KLF17: variants seen among roughly 807,000 people sequenced by gnomAD.
KLF17 encodes Krueppel-like factor 17.
KLF17 carries 31 observed loss-of-function variants against 34.2 expected under a neutral mutation model. The observed-to-expected ratio is 0.91, with a 90% confidence interval of 0.68 to 1.22. The LOEUF (loss-of-function observed/expected upper bound fraction) is 1.22. Ranked by LOEUF, KLF17 falls within the 50% of genes most tolerant of loss-of-function variation. The pLI is 0.00. For synonymous variants in KLF17, 179 were observed against 186.7 expected (o/e 0.96, Z 0.34); for missense variants, 478 against 505.2 (o/e 0.95, Z 0.52).
the KLF17 span, chr1:44,052,227 G>A: frequency 1.3e-5 from 2 of 152,188 alleles, no homozygotes; most frequent in South Asian, 2.1e-4. Flanking sequence ...GGGAATCTTG[G>A]TCTTGCCTTT....
intron 3 of KLF17, among the ~76,000 whole-genome samples, chr1:44,132,567 A>G (rs955857479): frequency 6.6e-6 from 1 of 151,980 alleles, no homozygotes; most frequent in Non-Finnish European, 1.5e-5. Flanking sequence ...CCTTTCTTCC[A>G]TTTTCTCACT....
At chr1:44,103,065 G>C in the KLF17 span, among the ~76,000 whole-genome samples, 1 of 152,178 alleles carries the variant, frequency 6.6e-6, no homozygotes, top group African/African-American at 2.4e-5. Flanking sequence ...TTTGTTTTCA[G>C]AGCTAGCTGA....
Position 44,130,173 on chromosome 1 carries a change from T to C in KLF17, c.902T>C (p.Val301Ala). The change falls in exon 2 of 4, where the codon GTG (valine) becomes GCG (alanine). Residue 301 changes from valine (V) to alanine (A), a missense_variant. Val to Ala is a moderately conservative substitution (Grantham distance 64). Transcript: ENST00000372299. Reference sequence around the variant, plus strand: ...GCTTATACCAAACGCTCCCACCTCGTGAGCCACCAGCGCAAGCACACAGGT... The same window carrying C: ...GCTTATACCAAACGCTCCCACCTCGCGAGCCACCAGCGCAAGCACACAGGT... ...GKAYTKRSHLVSHQRKHTGER... is the reference protein window; with the variant it reads ...GKAYTKRSHLASHQRKHTGER... The C allele has an allele frequency of 1.2e-6, 2 of 1,612,986 alleles. No individual in the cohort carries two copies. The highest frequency in any genetic ancestry group is 1.7e-6 in the Non-Finnish European group (2 of 1,179,364).
the KLF17 span, chr1:44,104,953 A>C: frequency 6.4e-6 from 1 of 156,972 alleles, no homozygotes; most frequent in Non-Finnish European, 1.4e-5. Context: ...AAAAATGTAA[A>C]ATAAAATTAG....
chr1:44,047,535 G>C, the KLF17 span, among the ~76,000 whole-genome samples: 2 of 152,108 alleles, frequency 1.3e-5, no homozygotes, highest in African/African-American at 4.8e-5. Context: ...TTCAACTCTT[G>C]GCTTCCCCTG....
chr1:44,130,955 C>T (rs565057632), intron 3 of KLF17, among the ~76,000 whole-genome samples, 199 bp downstream of exon 3: 36 of 152,220 alleles, frequency 2.4e-4, no homozygotes, highest in African/African-American at 8.2e-4. Flanking sequence ...GCCACCAGGC[C>T]CGGGTAATTT....
chr1:44,121,765 G>A (rs1001306547), intron 1 of KLF17, among the ~76,000 whole-genome samples: 2 of 152,188 alleles, frequency 1.3e-5, no homozygotes, highest in African/African-American at 4.8e-5. Context: ...TGCCTCATGT[G>A]TATGGTAGGT....
chr1:44,123,456 T>C (rs566991101), intron 1 of KLF17, among the ~76,000 whole-genome samples: 1 of 152,350 alleles, frequency 6.6e-6, no homozygotes, highest in South Asian at 2.1e-4. Flanking sequence ...TCTGTAAAAT[T>C]GGTAATAATG....
At chr1:44,064,791 A>G in the KLF17 span, among the ~76,000 whole-genome samples, 1 of 152,240 alleles carries the variant, frequency 6.6e-6, no homozygotes, top group Non-Finnish European at 1.5e-5. Context: ...TCTATTAGTC[A>G]TTTGAGGTAT....
chr1:44,078,434 C>CTTTTTT, the KLF17 span, among the ~76,000 whole-genome samples: 6 of 122,050 alleles, frequency 4.9e-5, no homozygotes, highest in Admixed American at 9.0e-5. Context: ...GCTTTTCCTT[C>CTTTTTT]TTCTTTTTTT....
rs1220467778 is a variant in KLF17 at position 44,134,683 on chromosome 1, G to T, written c.*1446G>T. Reference sequence around the variant, plus strand: ...GATAGATTCAAGATGGAGAGATAAGGTTAAGTGTTTTCTTTGGCTGCAACA... The same window carrying T: ...GATAGATTCAAGATGGAGAGATAAGTTTAAGTGTTTTCTTTGGCTGCAACA... On this transcript the variant is annotated 3_prime_UTR_variant, in exon 4 of 4. Coordinates refer to ENST00000372299, the MANE Select transcript of KLF17 (RefSeq NM_173484.4). 1 of 152,270 alleles carries T rather than the reference G, an allele frequency of 6.6e-6. No individual in the cohort carries two copies. Among genetic ancestry groups the T allele is most frequent in the East Asian group, 1.9e-4 (1 of 5,192 alleles). The allele number at this position is 152,270 out of a possible 1,614,324, so 9.4% of individuals were successfully genotyped here.
chr1:44,113,337 G>A, the KLF17 span, among the ~76,000 whole-genome samples: 2 of 152,180 alleles, frequency 1.3e-5, no homozygotes, highest in African/African-American at 2.4e-5. Context: ...TACATATGTG[G>A]TCCTTAGAGC....
the KLF17 span, among the ~76,000 whole-genome samples, chr1:44,111,471 T>TTG: frequency 4.1e-3 from 622 of 151,186 alleles, 11 homozygotes; most frequent in African/African-American, 0.014. Context: ...TTGTTTTTTT[T>TTG]TTTTTTTTTT....
the KLF17 span, among the ~76,000 whole-genome samples, chr1:44,093,007 C>T: frequency 3.9e-5 from 6 of 151,918 alleles, no homozygotes; most frequent in Middle Eastern, 3.4e-3. Flanking sequence ...AAAATGATTT[C>T]AGAAATAAAG....
At chr1:44,122,373 G>C (rs879117256) in intron 1 of KLF17, 2 of 1,606,046 alleles carry the variant, frequency 1.2e-6, no homozygotes, top group African/African-American at 1.3e-5. Context: ...TCTGTTCTTC[G>C]GGGTCATTTT....
the KLF17 span, among the ~76,000 whole-genome samples, chr1:44,050,618 A>G: frequency 1.3e-5 from 2 of 152,108 alleles, no homozygotes; most frequent in African/African-American, 4.8e-5. Context: ...CTGCCTCCTC[A>G]ATAAAGCTGT....
chr1:44,070,590 CTT>C, the KLF17 span, among the ~76,000 whole-genome samples: 1,184 of 78,454 alleles, frequency 0.015, 6 homozygotes, highest in African/African-American at 0.052. Context: ...TTTCCCTTGT[CTT>C]TTTTTTTTTT....
the KLF17 span, chr1:44,088,107 T>TTTTTTTTATTTA: frequency 5.5e-6 from 1 of 182,634 alleles, no homozygotes; most frequent in African/African-American, 2.5e-5. Flanking sequence ...GCACTCTTAT[T>TTTTTTTTATTTA]TTTATTTATT....
chr1:44,057,464 C>T, the KLF17 span, among the ~76,000 whole-genome samples: 2 of 152,170 alleles, frequency 1.3e-5, no homozygotes, highest in Admixed American at 1.3e-4. Flanking sequence ...AAAAGGGATA[C>T]ACCTCCCTTA....
Sources: gnomAD v4.1 joint callset for allele counts (sites outside exome capture counted in the v4.1 genomes callset) on GRCh38, gnomAD v4.1.1 for gene constraint, MANE v1.5 for transcripts, NCBI Gene and HGNC (gene_info 2026-07-23, HGNC 2026-07-21) for gene names.